The following CNBD1 variants were observed in gnomAD, a reference collection of about 807,000 sequenced individuals.
CNBD1 encodes cyclic nucleotide-binding domain-containing protein 1.
In CNBD1, 71 loss-of-function variants were observed where a neutral mutation model predicts 54.4. The ratio of observed to expected loss-of-function variants is 1.30; its 90% CI spans 1.08 to 1.59. The LOEUF is 1.59. CNBD1 is among the 40% of genes most tolerant of loss of function. The pLI is 0.00. For synonymous variants in CNBD1, 182 were observed against 170.7 expected (o/e 1.07, Z -0.51); for missense variants, 659 against 518.0 (o/e 1.27, Z -2.64).
intron 4 of CNBD1, among the ~76,000 whole-genome samples, chr8:86,987,056 A>T (rs753866016): frequency 1.2e-4 from 19 of 152,142 alleles, no homozygotes; most frequent in Non-Finnish European, 2.1e-4. Context: ...AAAATGACAT[A>T]GGTAGTTTGA....
At chr8:87,313,257 CA>C (rs1160210015) in intron 8 of CNBD1, among the ~76,000 whole-genome samples, 1 of 151,968 alleles carries the variant, frequency 6.6e-6, no homozygotes, top group Admixed American at 6.6e-5. Context: ...GAAAGAATTG[CA>C]GGGACTTATT....
intron 8 of CNBD1, among the ~76,000 whole-genome samples, chr8:87,288,632 A>T (rs1053597024): frequency 6.6e-5 from 10 of 152,098 alleles, no homozygotes; most frequent in African/African-American, 2.4e-4. Flanking sequence ...GTACTGAGAC[A>T]GTTAACATAC....
At chr8:87,311,780 A>G (rs114175458) in intron 8 of CNBD1, among the ~76,000 whole-genome samples, 5,303 of 152,098 alleles carry the variant, frequency 0.035, 300 homozygotes, top group African/African-American at 0.12. Context: ...AAAGAGCAAA[A>G]TCATGTCATT....
At chr8:87,078,128 C>A (rs186941296) in intron 4 of CNBD1, among the ~76,000 whole-genome samples, 216 of 152,214 alleles carry the variant, frequency 1.4e-3, no homozygotes, top group Non-Finnish European at 2.9e-3. Flanking sequence ...TAGAATTGGG[C>A]AAGCTTCAGG....
intron 8 of CNBD1, among the ~76,000 whole-genome samples, chr8:87,335,271 G>A (rs1416847506): frequency 1.3e-5 from 2 of 152,100 alleles, no homozygotes; most frequent in African/African-American, 2.4e-5. Context: ...TTAATTTTCT[G>A]TCTTGTTAAT....
chr8:86,959,357 A>C (rs899091596), intron 4 of CNBD1, among the ~76,000 whole-genome samples: 1 of 152,090 alleles, frequency 6.6e-6, no homozygotes, highest in Non-Finnish European at 1.5e-5. Flanking sequence ...GAATATCTTC[A>C]TGGCGTTCTC....
chr8:87,086,828 C>G (rs1364102786), intron 4 of CNBD1, among the ~76,000 whole-genome samples: 1 of 152,060 alleles, frequency 6.6e-6, no homozygotes, highest in Non-Finnish European at 1.5e-5. Flanking sequence ...TAAGGGATGG[C>G]TAGGTAGATC....
intron 4 of CNBD1, among the ~76,000 whole-genome samples, chr8:86,977,261 A>AGTGAAGTTTTC (rs58114759): frequency 0.95 from 143,724 of 152,026 alleles, 68,043 homozygotes; most frequent in East Asian, 1. Context: ...TTCTCAGGCT[A>AGTGAAGTTTTC]TGCCATTATT....
intron 1 of CNBD1, among the ~76,000 whole-genome samples, chr8:86,886,366 C>T (rs755717515): frequency 6.6e-6 from 1 of 152,050 alleles, no homozygotes; most frequent in Non-Finnish European, 1.5e-5. Flanking sequence ...TTTCTTAAGG[C>T]TTACCTGAGC....
At chr8:87,260,856 A>T (rs188601789) in intron 6 of CNBD1, among the ~76,000 whole-genome samples, 4 of 152,128 alleles carry the variant, frequency 2.6e-5, no homozygotes, top group Admixed American at 2.6e-4. Context: ...TATAAGCCAG[A>T]AGGAACTCAG....
At chr8:87,405,238 T>C (rs1807633062) in intron 2 of CNBD1, among the ~76,000 whole-genome samples, 1 of 152,056 alleles carries the variant, frequency 6.6e-6, no homozygotes, top group African/African-American at 2.4e-5. Context: ...CACTTAGAAG[T>C]TATATAATTT....
intron 3 of CNBD1, among the ~76,000 whole-genome samples, chr8:86,909,058 G>T (rs922818085): frequency 3.9e-5 from 6 of 152,050 alleles, no homozygotes; most frequent in African/African-American, 1.4e-4. Flanking sequence ...GCGGGGCCAA[G>T]AATTCTTTTT....
At chr8:87,310,951 G>A (rs1001209738) in intron 8 of CNBD1, among the ~76,000 whole-genome samples, 1 of 151,984 alleles carries the variant, frequency 6.6e-6, no homozygotes, top group African/African-American at 2.4e-5. Flanking sequence ...AAATTAAGTC[G>A]AGATGGAGAG....
At chr8:86,991,159 A>G (rs1377221543) in intron 4 of CNBD1, among the ~76,000 whole-genome samples, 1 of 152,090 alleles carries the variant, frequency 6.6e-6, no homozygotes, top group Non-Finnish European at 1.5e-5. Flanking sequence ...TGGAAATTGG[A>G]TGCCCTTTAT....
At chr8:86,908,648 C>T (rs1438726414) in intron 3 of CNBD1, among the ~76,000 whole-genome samples, 1 of 152,046 alleles carries the variant, frequency 6.6e-6, no homozygotes, top group South Asian at 2.1e-4. Flanking sequence ...ACAGATTAAA[C>T]AACCGCAACA....
chr8:87,390,928 C>T (rs571036334), intron 2 of CNBD1, among the ~76,000 whole-genome samples: 11 of 152,116 alleles, frequency 7.2e-5, no homozygotes, highest in African/African-American at 2.7e-4. Flanking sequence ...ACGATGAGTT[C>T]ATATCCTTTG....
chr8:87,414,521 A>G (rs1563593188), intron 2 of CNBD1, among the ~76,000 whole-genome samples: 2 of 152,158 alleles, frequency 1.3e-5, no homozygotes, highest in Non-Finnish European at 2.9e-5. Context: ...TTAAAGTATA[A>G]TAATAAATAA....
At chr8:87,422,850 T>C (rs1322960725) in intron 2 of CNBD1, among the ~76,000 whole-genome samples, 5 of 152,194 alleles carry the variant, frequency 3.3e-5, no homozygotes, top group Non-Finnish European at 5.9e-5. Flanking sequence ...ATTGAATCTG[T>C]AAATTACCTT....
intron 4 of CNBD1, among the ~76,000 whole-genome samples, chr8:87,030,335 G>T (rs1809753623): frequency 6.6e-6 from 1 of 152,122 alleles, no homozygotes; most frequent in Admixed American, 6.6e-5. Flanking sequence ...CTAAGGGAAT[G>T]GAGAAATAAG....
Sources: gnomAD v4.1 joint callset for allele counts (sites outside exome capture counted in the v4.1 genomes callset) on GRCh38, gnomAD v4.1.1 for gene constraint, MANE v1.5 for transcripts, NCBI Gene and HGNC (gene_info 2026-07-23, HGNC 2026-07-21) for gene names.